Variants in PMS1 observed in about 807,000 individuals in gnomAD.
PMS1 encodes the protein PMS1 homolog 1, mismatch repair system component.
Under a neutral mutation model 93.1 loss-of-function variants are expected in PMS1, and 79 were observed. The ratio of observed to expected loss-of-function variants is 0.85; its 90% CI spans 0.71 to 1.02. The LOEUF is 1.02. Among genes scored for constraint, PMS1 ranks in the 50% least tolerant of loss-of-function variants. PMS1 has a pLI of 0.00. For missense variants in PMS1, 1,064 were observed against 1,085.3 expected, an observed-to-expected ratio of 0.98 and a Z score of 0.28; for synonymous variants, 335 against 363.4, an observed-to-expected ratio of 0.92 and a Z score of 0.89.
intron 4 of PMS1, among the ~76,000 whole-genome samples, chr2:189,810,628 G>A (rs2050761901): frequency 6.6e-6 from 1 of 152,186 alleles, no homozygotes; most frequent in Non-Finnish European, 1.5e-5. Context: ...AAGTGATTAA[G>A]AAAATTGGGA....
In PMS1 at chr2:189,864,098, A is replaced by G. The variant is rs1481524122; in HGVS notation, c.2212A>G (p.Met738Val). The change falls in exon 10 of 13, where the codon ATG (methionine) becomes GTG (valine). Residue 738 changes from methionine to valine, a missense_variant. Met to Val is a conservative substitution (Grantham distance 21). Transcript: ENST00000441310. ...HNLRFPDAWL[M>V]TSKTEVMLLN... is the part of the protein sequence containing the mutation. Reference sequence around the variant, plus strand: ...TCTCAGGTTTCCTGATGCATGGCTAATGACATCCAAAACAGAGGTAATGTT... The same window carrying G: ...TCTCAGGTTTCCTGATGCATGGCTAGTGACATCCAAAACAGAGGTAATGTT... 6.2e-7 allele frequency: 1 copy of G among 1,613,682 alleles called. No homozygotes were observed. The highest frequency in any genetic ancestry group is 1.3e-5 in the African/African-American group (1 of 74,876).
chr2:189,805,619 G>A (rs534812801), intron 3 of PMS1, 33 bp from the exon 4 acceptor site: 1 of 1,490,578 alleles, frequency 6.7e-7, no homozygotes, highest in South Asian at 1.1e-5. Context: ...AATATCTAAA[G>A]TGTTAGTTTT....
Position 189,854,241 on chromosome 2 carries a change from A to G in PMS1, c.969A>G (p.Glu323=). 1.3e-6 allele frequency: 2 copies of G among 1,582,804 alleles called. No individual in the cohort carries two copies. Among genetic ancestry groups the G allele is most frequent in the Admixed American group, 1.7e-5 (1 of 57,994 alleles). Residue 323 remains glutamate, a splice_region_variant and synonymous_variant, in exon 9 of 13, where the codon GAA becomes GAG. Transcript: ENST00000441310. ...DKSQVLLQNK[E]SVLIALENLM... ...CATTTGTTAATTTGTATTTTTAGGA[A>G]TCTGTTTTAATTGCTCTTGAAAATC...
At chr2:189,795,707 T>C in intron 2 of PMS1, 62 bp from the exon 3 acceptor site, 1 of 1,301,574 alleles carries the variant, frequency 7.7e-7, no homozygotes. Flanking sequence ...TTGTGTTTCT[T>C]TCTAAGTGTG....
At chr2:189,844,195 T>C in intron 6 of PMS1, 115 bp downstream of exon 6, 1 of 1,539,804 alleles carries the variant, frequency 6.5e-7, no homozygotes. Flanking sequence ...TTTAATCAAA[T>C]ATGTGTGTAA....
At chr2:189,836,656 AGAT>A (rs1238517339) in intron 5 of PMS1, among the ~76,000 whole-genome samples, 1 of 152,206 alleles carries the variant, frequency 6.6e-6, no homozygotes, top group Non-Finnish European at 1.5e-5. Flanking sequence ...CCCAATGAGA[AGAT>A]TTTACTTGTT....
chr2:189,806,521 C>T, intron 4 of PMS1: 1 of 224,106 alleles, frequency 4.5e-6, no homozygotes, highest in Non-Finnish European at 9.0e-6. Flanking sequence ...CCTCAGCCTC[C>T]TCAGTAGCTG....
At chr2:189,828,149 C>G (rs955703681) in intron 5 of PMS1, among the ~76,000 whole-genome samples, 4 of 152,132 alleles carry the variant, frequency 2.6e-5, no homozygotes, top group Non-Finnish European at 5.9e-5. Flanking sequence ...TGGTCTCGAT[C>G]TCCTGACCTC....
At chr2:189,855,805 G>A in intron 9 of PMS1, 1 of 609,120 alleles carries the variant, frequency 1.6e-6, no homozygotes. Context: ...AAAATAATAT[G>A]ATGAATGTTT....
intron 9 of PMS1, among the ~76,000 whole-genome samples, chr2:189,861,854 C>T (rs1358115466): frequency 1.3e-5 from 2 of 150,334 alleles, no homozygotes; most frequent in African/African-American, 2.4e-5. Flanking sequence ...TCTTTATTTT[C>T]AGGATTTTAT....
intron 2 of PMS1, among the ~76,000 whole-genome samples, chr2:189,794,705 A>G (rs1456934892): frequency 6.6e-6 from 1 of 152,210 alleles, no homozygotes; most frequent in Non-Finnish European, 1.5e-5. Context: ...TATGGTGTTC[A>G]TAGAAAGTAT....
intron 9 of PMS1, among the ~76,000 whole-genome samples, chr2:189,855,437 TA>T (rs1323857973): frequency 6.6e-6 from 1 of 151,604 alleles, no homozygotes; most frequent in African/African-American, 2.4e-5. Flanking sequence ...ATTTATCTTC[TA>T]TTTTTTTTTT....
At chr2:189,862,526 G>A (rs1424372312) in intron 9 of PMS1, among the ~76,000 whole-genome samples, 4 of 152,110 alleles carry the variant, frequency 2.6e-5, no homozygotes, top group African/African-American at 9.7e-5. Context: ...TGTTTTGTTA[G>A]AGTGATAACT....
intron 5 of PMS1, among the ~76,000 whole-genome samples, chr2:189,828,935 A>T (rs1016973794): frequency 6.6e-6 from 1 of 151,502 alleles, no homozygotes; most frequent in African/African-American, 2.4e-5. Context: ...AGATCTTTAC[A>T]TCTGAAAAGA....
At chr2:189,871,952 G>C (rs543560214) in intron 11 of PMS1, among the ~76,000 whole-genome samples, 1 of 152,298 alleles carries the variant, frequency 6.6e-6, no homozygotes, top group South Asian at 2.1e-4. Context: ...GGGAGCAAGA[G>C]AGAGATGCCA....
At chr2:189,832,548 C>G (rs1436350245) in intron 5 of PMS1, among the ~76,000 whole-genome samples, 1 of 152,088 alleles carries the variant, frequency 6.6e-6, no homozygotes, top group African/African-American at 2.4e-5. Context: ...TTATTGCAAC[C>G]TCCGCCTCCT....
At chr2:189,792,822 A>T (rs1429830059) in intron 2 of PMS1, among the ~76,000 whole-genome samples, 1 of 148,016 alleles carries the variant, frequency 6.8e-6, no homozygotes, top group Non-Finnish European at 1.5e-5. Flanking sequence ...TTTATTTTTT[A>T]TTTTTTTGAG....
chr2:189,854,972 G>A lies in PMS1; in HGVS notation c.1700G>A (p.Ser567Asn). 2 of 1,612,966 alleles carry A rather than the reference G, an allele frequency of 1.2e-6. No homozygotes were observed. Among genetic ancestry groups the A allele is most frequent in the Non-Finnish European group, 1.7e-6 (2 of 1,179,072 alleles). ...AAAGTTACAGCTTATGATTTACTTA[G>A]CAATCGAGTAATCAAGAAACCCATG... The part of the protein sequence containing the change: ...SGKVTAYDLL[S>N]NRVIKKPMSA... The change falls in exon 9 of 13, where the codon AGC (serine) becomes AAC (asparagine). Residue 567 changes from serine to asparagine, a missense_variant. By Grantham distance (46) the Ser-to-Asn change is conservative. Coordinates refer to ENST00000441310, the MANE Select transcript of PMS1 (RefSeq NM_000534.5).
At chr2:189,837,309 T>A (rs1314445300) in intron 5 of PMS1, among the ~76,000 whole-genome samples, 3 of 151,930 alleles carry the variant, frequency 2.0e-5, no homozygotes, top group Admixed American at 1.3e-4. Flanking sequence ...ATTTTTTTTT[T>A]ATAGAAACAG....
Sources: allele counts gnomAD v4.1 joint callset (sites outside exome capture counted in the v4.1 genomes callset), GRCh38; gene constraint gnomAD v4.1.1; transcripts MANE v1.5; gene names NCBI Gene and HGNC (gene_info 2026-07-23, HGNC 2026-07-21).